Variants in AMBRA1 observed in about 807,000 individuals in gnomAD.
The protein encoded by AMBRA1 is autophagy and beclin 1 regulator 1, also known as activating molecule in BECN1-regulated autophagy protein 1.
Under a neutral mutation model 125.4 loss-of-function variants are expected in AMBRA1, and 47 were observed. The observed-to-expected ratio is 0.37, with a 90% CI of 0.30 to 0.48. The LOEUF is 0.48. Ranked by LOEUF, AMBRA1 falls within the 20% of genes least tolerant of loss-of-function variation. The pLI is 0.99. For synonymous variants in AMBRA1, 626 were observed against 655.5 expected, an observed-to-expected ratio of 0.95 and a Z score of 0.69; for missense variants, 1,331 against 1,693.4, an observed-to-expected ratio of 0.79 and a Z score of 3.76.
At chr11:46,516,086 G>A (rs1217279240) in intron 7 of AMBRA1, among the ~76,000 whole-genome samples, 1 of 152,138 alleles carries the variant, frequency 6.6e-6, no homozygotes, top group Non-Finnish European at 1.5e-5. Flanking sequence ...TTTGTTGCTG[G>A]AGAGTCTCTG....
At chr11:46,555,884 C>T (rs1372465260) in intron 1 of AMBRA1, among the ~76,000 whole-genome samples, 4 of 152,236 alleles carry the variant, frequency 2.6e-5, no homozygotes, top group African/African-American at 4.8e-5. Context: ...GGAGTCCAAT[C>T]TCCTTATTTA....
intron 12 of AMBRA1, among the ~76,000 whole-genome samples, chr11:46,440,694 C>T (rs973977148): frequency 6.6e-6 from 1 of 152,068 alleles, no homozygotes; most frequent in Non-Finnish European, 1.5e-5. Context: ...GGTTAATTTC[C>T]AGCAGAGTTA....
Position 46,434,848 on chromosome 11 carries a change from C to A in AMBRA1, c.2821+1G>T. The A allele has an allele frequency of 6.3e-7, 1 of 1,590,456 alleles. No individual in the cohort carries two copies. The highest frequency in any genetic ancestry group is 8.6e-7 in the Non-Finnish European group (1 of 1,168,584). On this transcript the variant is annotated splice_donor_variant, in intron 13 of 17. Coordinates refer to ENST00000683756, the MANE Select transcript of AMBRA1 (RefSeq NM_001387011.1). LOFTEE classifies it high-confidence loss of function. ...ATTAGGTTGGGCTTCCTATCCCTTA[C>A]CAAATCGCTTGGTGTAGAGCATTTC...
At chr11:46,557,579 G>A (rs988724759) in intron 1 of AMBRA1, among the ~76,000 whole-genome samples, 2 of 152,148 alleles carry the variant, frequency 1.3e-5, no homozygotes, top group Non-Finnish European at 2.9e-5. Context: ...GTTGAGGTGG[G>A]AGGATTGTTT....
intron 11 of AMBRA1, among the ~76,000 whole-genome samples, chr11:46,476,531 T>TATTCACAGCATGCGAATAAGCAC (rs144676248): frequency 0.21 from 31,928 of 151,876 alleles, 4,029 homozygotes; most frequent in African/African-American, 0.35. Context: ...GCCAGAAACT[T>TATTCACAGCATGCGAATAAGCAC]ATTCACAGCA....
In AMBRA1 at chr11:46,409,560, C is replaced by T. The variant is rs143658619; in HGVS notation, c.3209+716G>A. 3.1e-4 allele frequency among the ~76,000 whole-genome samples: 47 copies of T among 152,292 alleles called. 3 individuals are homozygous for T. In the East Asian group the frequency reaches 9.1e-3, roughly 29 times the overall value. On this transcript the variant is annotated intron_variant, in intron 16 of 17. Transcript: ENST00000683756. Reference sequence around the variant, plus strand: ...TTTCCAGGGCCTTCTGAAAACAGACCCTTGCAGGTAGGGAGCACAGGCTGT... The same window carrying T: ...TTTCCAGGGCCTTCTGAAAACAGACTCTTGCAGGTAGGGAGCACAGGCTGT...
intron 7 of AMBRA1, among the ~76,000 whole-genome samples, chr11:46,524,274 G>C (rs1470992186): frequency 1.3e-5 from 2 of 152,178 alleles, no homozygotes; most frequent in Non-Finnish European, 2.9e-5. Flanking sequence ...ATGTGGCAAT[G>C]TCTGCTGACA....
At position 46,411,172 on chromosome 11, in the gene AMBRA1, G is replaced by A. The variant is rs574054795; in HGVS notation, c.3117-804C>T. On this transcript the variant is annotated intron_variant, in intron 15 of 17. Transcript: ENST00000683756. ...GAAAACAAAGACAGTGCAGGCTCTC[G>A]CCCCTGGGGCGGCCTGAGCGGAGGA... Among the ~76,000 whole-genome samples, 50 of 150,954 alleles carry A rather than the reference G, an allele frequency of 3.3e-4. 1 individual carries two copies. In the South Asian group the frequency reaches 0.01, roughly 31 times the overall value.
intron 12 of AMBRA1, among the ~76,000 whole-genome samples, chr11:46,441,718 C>T (rs1948017779): frequency 6.6e-6 from 1 of 152,058 alleles, no homozygotes; most frequent in African/African-American, 2.4e-5. Context: ...CTTTTCTGCC[C>T]TCCTCCACTG....
chr11:46,500,891 GTCTA>G (rs1212392491), intron 9 of AMBRA1, among the ~76,000 whole-genome samples: 1 of 152,112 alleles, frequency 6.6e-6, no homozygotes. Flanking sequence ...ACTTATTACA[GTCTA>G]TCTTTTTAGA....
At chr11:46,438,970 T>A (rs1947864312) in intron 12 of AMBRA1, among the ~76,000 whole-genome samples, 1 of 152,158 alleles carries the variant, frequency 6.6e-6, no homozygotes, top group African/African-American at 2.4e-5. Context: ...TGGTGGTTGC[T>A]GAACTCATCA....
At position 46,493,651 on chromosome 11, in the gene AMBRA1, C is replaced by T. The variant is rs571743691; in HGVS notation, c.2478G>A (p.Gln826=). Residue 826 remains glutamine, a synonymous_variant, in exon 11 of 18, where the codon CAG becomes CAA. Coordinates refer to ENST00000683756, the MANE Select transcript of AMBRA1 (RefSeq NM_001387011.1). ...PYAGIFHERG[Q]PGLATHSSVN... is the part of the protein sequence containing the mutation. ...CAGAAGAGTGAGTAGCCAAGCCAGG[C>T]TGTCCACGTTCATGAAAAATCCCAG... The T allele has an allele frequency of 4.6e-5, 74 of 1,604,862 alleles. No homozygotes were observed. In the South Asian group the frequency reaches 7.6e-4, roughly 17 times the overall value.
intron 17 of AMBRA1, among the ~76,000 whole-genome samples, chr11:46,407,737 T>G (rs995682293): frequency 3.3e-5 from 5 of 152,248 alleles, no homozygotes; most frequent in African/African-American, 9.6e-5. Context: ...TTGCCTGACG[T>G]GCACCGTGGC....
chr11:46,404,733 G>A (rs1945926570), intron 17 of AMBRA1, among the ~76,000 whole-genome samples: 1 of 152,306 alleles, frequency 6.6e-6, no homozygotes, highest in East Asian at 1.9e-4. Flanking sequence ...GGAGGGGATA[G>A]TGGGGCGAGG....
chr11:46,536,006 CAA>C (rs1212942177), intron 7 of AMBRA1, among the ~76,000 whole-genome samples: 6 of 152,182 alleles, frequency 3.9e-5, no homozygotes, highest in Non-Finnish European at 8.8e-5. Flanking sequence ...CTTCCTTGTA[CAA>C]CTCTAAGTAA....
intron 11 of AMBRA1, among the ~76,000 whole-genome samples, chr11:46,488,804 T>C (rs1036746274): frequency 6.6e-6 from 1 of 152,128 alleles, no homozygotes; most frequent in East Asian, 1.9e-4. Flanking sequence ...AGAAGGAAAT[T>C]TGGGAAATTC....
chr11:46,533,473 G>A (rs1952313352), intron 7 of AMBRA1, among the ~76,000 whole-genome samples: 1 of 152,180 alleles, frequency 6.6e-6, no homozygotes, highest in South Asian at 2.1e-4. Flanking sequence ...TTGTTTGGAG[G>A]TTGGGGAAGA....
intron 1 of AMBRA1, among the ~76,000 whole-genome samples, chr11:46,581,201 G>A (rs548833251): frequency 2.2e-4 from 34 of 152,098 alleles, no homozygotes; most frequent in South Asian, 1.0e-3. Context: ...GGCCAGGTAC[G>A]GTGGCTCACA....
intron 12 of AMBRA1, among the ~76,000 whole-genome samples, chr11:46,435,981 C>T (rs1947695759): frequency 6.6e-6 from 1 of 152,238 alleles, no homozygotes; most frequent in Admixed American, 6.5e-5. Flanking sequence ...AGAGTGCCCA[C>T]ATCATGGGCC....
Sources: gnomAD v4.1 joint callset for allele counts (sites outside exome capture counted in the v4.1 genomes callset) on GRCh38, gnomAD v4.1.1 for gene constraint, MANE v1.5 for transcripts, NCBI Gene and HGNC (gene_info 2026-07-23, HGNC 2026-07-21) for gene names.